The following TTC29 variants were observed in gnomAD, a reference collection of about 807,000 sequenced individuals.
TTC29 encodes the protein tetratricopeptide repeat protein 29.
Under a neutral mutation model 58.1 loss-of-function variants are expected in TTC29, and 49 were observed. The observed-to-expected ratio is 0.84, with a 90% CI of 0.67 to 1.07. The LOEUF is 1.07. Among genes scored for constraint, TTC29 ranks in the 50% least tolerant of loss-of-function variants. The pLI, the probability that TTC29 is intolerant of heterozygous loss-of-function variation, is 0.00. For missense variants in TTC29, 582 were observed against 555.6 expected, an observed-to-expected ratio of 1.05 and a Z score of -0.48; for synonymous variants, 209 against 196.8, an observed-to-expected ratio of 1.06 and a Z score of -0.52.
intron 8 of TTC29, among the ~76,000 whole-genome samples, chr4:146,852,534 C>T (rs1471956293): frequency 6.6e-6 from 1 of 152,240 alleles, no homozygotes; most frequent in African/African-American, 2.4e-5. Flanking sequence ...TCCTGCAAGG[C>T]TCCTACTCCA....
chr4:146,805,454 T>C (rs1750532375), intron 10 of TTC29, among the ~76,000 whole-genome samples: 2 of 152,044 alleles, frequency 1.3e-5, no homozygotes, highest in Admixed American at 1.3e-4. Context: ...TAGAGGACCA[T>C]GTTCTAACCC....
At chr4:146,864,219 C>T (rs567872797) in intron 8 of TTC29, among the ~76,000 whole-genome samples, 349 of 152,162 alleles carry the variant, frequency 2.3e-3, no homozygotes, top group Middle Eastern at 6.8e-3. Flanking sequence ...TTCACATTCC[C>T]TACCCCCGAA....
intron 8 of TTC29, among the ~76,000 whole-genome samples, chr4:146,852,215 C>G (rs1336218016): frequency 6.6e-6 from 1 of 152,070 alleles, no homozygotes. Flanking sequence ...AAGTGTTATT[C>G]AATAATAATT....
intron 11 of TTC29, among the ~76,000 whole-genome samples, chr4:146,727,463 T>C (rs1743881748): frequency 6.6e-6 from 1 of 152,204 alleles, no homozygotes; most frequent in Non-Finnish European, 1.5e-5. Flanking sequence ...AATCATAAAA[T>C]AGTTTCACTG....
intron 6 of TTC29, among the ~76,000 whole-genome samples, chr4:146,902,440 A>T (rs764627811): frequency 2.0e-5 from 3 of 152,216 alleles, no homozygotes; most frequent in Non-Finnish European, 4.4e-5. Flanking sequence ...CCCTGAACTT[A>T]AAATAAAAGT....
intron 11 of TTC29, among the ~76,000 whole-genome samples, chr4:146,781,758 G>A (rs570396778): frequency 2.1e-4 from 32 of 151,930 alleles, no homozygotes; most frequent in Admixed American, 2.0e-3. Context: ...TTTTATCACA[G>A]TAGTGCTTTG....
intron 4 of TTC29, among the ~76,000 whole-genome samples, chr4:146,913,457 A>C (rs1734024438): frequency 6.6e-6 from 1 of 152,038 alleles, no homozygotes; most frequent in African/African-American, 2.4e-5. Flanking sequence ...TATTTCAGAA[A>C]TAACCAATCC....
At chr4:146,876,934 C>CAAAAAAAAAAAAAAAAAAAAAAAAAAAAA (rs776037799) in intron 6 of TTC29, among the ~76,000 whole-genome samples, 1 of 59,190 alleles carries the variant, frequency 1.7e-5, no homozygotes, top group Non-Finnish European at 3.1e-5. Context: ...GACTCCATCT[C>CAAAAAAAAAAAAAAAAAAAAAAAAAAAAA]AAAAAAAAAA....
intron 5 of TTC29, among the ~76,000 whole-genome samples, chr4:146,907,693 T>C (rs1158009277): frequency 2.6e-5 from 4 of 152,106 alleles, no homozygotes. Flanking sequence ...AGAGACGGGT[T>C]TTCACCATGT....
chr4:146,708,326 A>ATATACACATG (rs1561046754), intron 11 of TTC29, among the ~76,000 whole-genome samples: 1 of 39,312 alleles, frequency 2.5e-5, no homozygotes, highest in African/African-American at 5.7e-5. Context: ...ATATATATAT[A>ATATACACATG]TATATATATA....
At chr4:146,898,267 T>G (rs141689995) in intron 6 of TTC29, among the ~76,000 whole-genome samples, 1 of 152,156 alleles carries the variant, frequency 6.6e-6, no homozygotes, top group Non-Finnish European at 1.5e-5. Flanking sequence ...CAGAAGTCTG[T>G]TGCTGGGTCT....
chr4:146,762,287 C>T (rs1178656013), intron 11 of TTC29, among the ~76,000 whole-genome samples: 2 of 151,206 alleles, frequency 1.3e-5, no homozygotes, highest in Non-Finnish European at 2.9e-5. Flanking sequence ...GGTACAACGT[C>T]TGAGGTTGGA....
At chr4:146,806,364 T>C (rs1464495505) in intron 10 of TTC29, among the ~76,000 whole-genome samples, 4 of 152,096 alleles carry the variant, frequency 2.6e-5, no homozygotes, top group Non-Finnish European at 4.4e-5. Context: ...AATGACAGGA[T>C]CAAATTCACA....
At chr4:146,787,322 T>C (rs1015189020) in intron 11 of TTC29, among the ~76,000 whole-genome samples, 1 of 152,208 alleles carries the variant, frequency 6.6e-6, no homozygotes, top group African/African-American at 2.4e-5. Context: ...TCATGCTCAA[T>C]AGGTAATGCA....
chr4:146,749,461 T>A (rs1177542631), intron 11 of TTC29, among the ~76,000 whole-genome samples: 3 of 152,078 alleles, frequency 2.0e-5, no homozygotes, highest in Middle Eastern at 3.2e-3. Context: ...TCTTCTGAAA[T>A]GACCTCCATC....
intron 6 of TTC29, among the ~76,000 whole-genome samples, chr4:146,882,926 C>T (rs1342171535): frequency 6.6e-6 from 1 of 151,402 alleles, no homozygotes; most frequent in Non-Finnish European, 1.5e-5. Context: ...AGGCGTGACA[C>T]TAGCTGCTGC....
intron 6 of TTC29, among the ~76,000 whole-genome samples, chr4:146,894,127 C>A (rs1732587393): frequency 6.6e-6 from 1 of 152,162 alleles, no homozygotes; most frequent in South Asian, 2.1e-4. Flanking sequence ...TATGGCGATT[C>A]CTCAGGGATC....
intron 11 of TTC29, among the ~76,000 whole-genome samples, chr4:146,729,077 T>C (rs1236965657): frequency 6.6e-6 from 1 of 151,822 alleles, no homozygotes. Flanking sequence ...TTGTATAAAC[T>C]TTGAATTATT....
At chr4:146,789,598 G>A (rs1284581300) in intron 11 of TTC29, among the ~76,000 whole-genome samples, 2 of 152,076 alleles carry the variant, frequency 1.3e-5, no homozygotes, top group Non-Finnish European at 2.9e-5. Flanking sequence ...TAACTTCAAT[G>A]TCATTTTTTC....
Sources: allele counts gnomAD v4.1 joint callset (sites outside exome capture counted in the v4.1 genomes callset), GRCh38; gene constraint gnomAD v4.1.1; transcripts MANE v1.5; gene names NCBI Gene and HGNC (gene_info 2026-07-23, HGNC 2026-07-21).